GTF3C3: variants seen among roughly 807,000 people sequenced by gnomAD.
GTF3C3 encodes general transcription factor IIIC subunit 3, also known as general transcription factor 3C polypeptide 3.
Under a neutral mutation model 105.2 loss-of-function variants are expected in GTF3C3, and 75 were observed. That is an observed-to-expected ratio of 0.71 (90% CI 0.59 to 0.86). The LOEUF (loss-of-function observed/expected upper bound fraction) is 0.86. GTF3C3 is among the 40% of genes least tolerant of loss of function. GTF3C3 has a pLI of 0.00. For missense variants in GTF3C3, 856 were observed against 1,076.5 expected, an observed-to-expected ratio of 0.80 and a Z score of 2.87; for synonymous variants, 335 against 370.4, an observed-to-expected ratio of 0.90 and a Z score of 1.10.
At chr2:196,793,674 A>ATGAGTG (rs1052669514) in intron 2 of GTF3C3, among the ~76,000 whole-genome samples, 1 of 152,182 alleles carries the variant, frequency 6.6e-6, no homozygotes, top group African/African-American at 2.4e-5. Context: ...TGAGGACAAA[A>ATGAGTG]TGAGTGTGAG....
At chr2:196,768,271 G>A (rs775263172) in intron 16 of GTF3C3, among the ~76,000 whole-genome samples, 6 of 151,986 alleles carry the variant, frequency 3.9e-5, no homozygotes, top group South Asian at 2.1e-4. Context: ...CACCCGCCTC[G>A]GCCACCCAAA....
At chr2:196,778,770 C>T (rs1699297710) in intron 10 of GTF3C3, 126 bp downstream of exon 10, 1 of 788,708 alleles carries the variant, frequency 1.3e-6, no homozygotes, top group Non-Finnish European at 2.2e-6. Flanking sequence ...ATTTAAAATA[C>T]TGACTTTCAA....
At position 196,769,820 on chromosome 2, in the gene GTF3C3, G is replaced by A. The variant is rs916479905; in HGVS notation, c.2385+95C>T. ...CCGTCATGTGTACTGAGAGCATTGTGTATTACTTTTGAAGCAGGATTTTTA... is the reference window on the plus strand; with the variant it reads ...CCGTCATGTGTACTGAGAGCATTGTATATTACTTTTGAAGCAGGATTTTTA... On this transcript the variant is annotated intron_variant, in intron 16 of 17. Coordinates refer to ENST00000263956, the MANE Select transcript of GTF3C3 (RefSeq NM_012086.5). The A allele has an allele frequency of 4.0e-6, 4 of 989,676 alleles. No homozygotes were observed. In the African/African-American group the frequency reaches 6.5e-5, roughly 16 times the overall value. The allele number at this position is 989,676 out of a possible 1,614,324, so 61.3% of individuals were successfully genotyped here.
intron 1 of GTF3C3, among the ~76,000 whole-genome samples, chr2:196,799,044 G>A (rs575254132): frequency 6.6e-6 from 1 of 152,194 alleles, no homozygotes; most frequent in African/African-American, 2.4e-5. Flanking sequence ...ACTTTTTTAT[G>A]GACTATTACT....
chr2:196,768,373 T>C (rs554991434), intron 16 of GTF3C3, among the ~76,000 whole-genome samples: 4 of 152,294 alleles, frequency 2.6e-5, no homozygotes, highest in African/African-American at 9.6e-5. Context: ...TTATGTTACA[T>C]TTCAAACATT....
At chr2:196,764,807 TAAAAA>T (rs56828869) in intron 17 of GTF3C3, 122 bp from the exon 18 acceptor site, 3 of 681,426 alleles carry the variant, frequency 4.4e-6, no homozygotes. Context: ...GCTCATGTAC[TAAAAA>T]AAAATTATAA....
At chr2:196,782,136 G>A (rs1023426739) in intron 8 of GTF3C3, among the ~76,000 whole-genome samples, 4 of 152,176 alleles carry the variant, frequency 2.6e-5, no homozygotes, top group East Asian at 1.9e-4. Context: ...GTCTTGGGAG[G>A]TGCCTATGTG....
At chr2:196,765,213 G>A (rs1055600564) in intron 17 of GTF3C3, among the ~76,000 whole-genome samples, 44 of 151,916 alleles carry the variant, frequency 2.9e-4, no homozygotes, top group Non-Finnish European at 4.1e-4. Context: ...TTACCTCAGG[G>A]GTATTATAGT....
rs397697042 is a variant in GTF3C3 at position 196,780,226 on chromosome 2, T to TC, written c.1218+332dup. 1,014 of 960,074 alleles carry TC rather than the reference T, an allele frequency of 1.1e-3. 2 individuals carry two copies. The highest frequency in any genetic ancestry group is 1.2e-3 in the Non-Finnish European group (982 of 793,822). The allele number at this position is 960,074 out of a possible 1,614,324, so 59.5% of individuals were successfully genotyped here. A position where few individuals can be genotyped will look rare whatever the true frequency, so the allele number is the denominator to read the frequency against. On this transcript the variant is annotated intron_variant, in intron 9 of 17. Coordinates refer to ENST00000263956, the MANE Select transcript of GTF3C3 (RefSeq NM_012086.5). ...GTAGATGCTAAGTACTTTTTTTTTT[T>TC]CAATAATATACTTGGTCCAAAGTCC...
intron 1 of GTF3C3, 78 bp downstream of exon 1, chr2:196,799,432 G>A (rs1036107860): frequency 9.6e-6 from 10 of 1,038,862 alleles, no homozygotes; most frequent in Admixed American, 3.5e-5. Context: ...CACAGTGAAA[G>A]CGGTCGTCTG....
chr2:196,772,177 A>C (rs1699186113), intron 14 of GTF3C3, among the ~76,000 whole-genome samples: 1 of 152,226 alleles, frequency 6.6e-6, no homozygotes, highest in Non-Finnish European at 1.5e-5. Flanking sequence ...CAAAACTTTT[A>C]AACTAAAACA....
At chr2:196,797,135 T>C (rs1382297820) in intron 2 of GTF3C3, among the ~76,000 whole-genome samples, 1 of 152,256 alleles carries the variant, frequency 6.6e-6, no homozygotes, top group African/African-American at 2.4e-5. Flanking sequence ...AGCATCCCAG[T>C]TAACTTGATA....
At chr2:196,765,625 A>C (rs531680631) in intron 17 of GTF3C3, among the ~76,000 whole-genome samples, 4 of 150,392 alleles carry the variant, frequency 2.7e-5, no homozygotes, top group African/African-American at 9.7e-5. Context: ...ATACATATAT[A>C]AATATGTATA....
Position 196,775,227 on chromosome 2 carries a change from A to C in GTF3C3, c.1720T>G (p.Cys574Gly). The C allele has an allele frequency of 6.2e-7, 1 of 1,607,002 alleles. No homozygotes were observed. Among genetic ancestry groups the C allele is most frequent in the Non-Finnish European group, 8.5e-7 (1 of 1,177,956 alleles). Residue 574 changes from cysteine (C) to glycine (G), a missense_variant, in exon 13 of 18, where the codon TGT becomes GGT. Physicochemically the swap from Cys to Gly is radical, Grantham distance 159 (BLOSUM62 -3). This residue lies in a region of GTF3C3 where 605 missense variants were observed against 833.6 expected (regional missense o/e 0.73). Transcript: ENST00000263956. ...CCAGACTTGGAACTGGATATCAAAC[A>C]AACTTGGGCTCGATTCATTGCTACC... Reference protein sequence around the residue: ...LKVAMNRAQVCLISSSKSGER... With the variant: ...LKVAMNRAQVGLISSSKSGER...
intron 17 of GTF3C3, among the ~76,000 whole-genome samples, chr2:196,765,812 C>T (rs1283767894): frequency 3.3e-5 from 5 of 151,466 alleles, no homozygotes; most frequent in Non-Finnish European, 5.9e-5. Context: ...AGATCGAGAC[C>T]ATCCTGGTTA....
At chr2:196,773,608 T>C (rs1699214131) in intron 13 of GTF3C3, 1 of 401,164 alleles carries the variant, frequency 2.5e-6, no homozygotes, top group Non-Finnish European at 5.1e-6. Context: ...ATTACATTTA[T>C]TGTGCACTTT....
chr2:196,793,827 G>T (rs1356959323), intron 2 of GTF3C3, among the ~76,000 whole-genome samples: 1 of 152,098 alleles, frequency 6.6e-6, no homozygotes, highest in Non-Finnish European at 1.5e-5. Flanking sequence ...TACCACCATA[G>T]TATAATATAA....
intron 2 of GTF3C3, among the ~76,000 whole-genome samples, chr2:196,793,491 C>T (rs1385839351): frequency 6.6e-6 from 1 of 152,076 alleles, no homozygotes; most frequent in African/African-American, 2.4e-5. Context: ...CAGTACGGAG[C>T]CCTGGTGGTA....
chr2:196,770,507 GT>G (rs1699152933), intron 15 of GTF3C3, among the ~76,000 whole-genome samples: 1 of 152,176 alleles, frequency 6.6e-6, no homozygotes, highest in African/African-American at 2.4e-5. Flanking sequence ...TACAGGTGTT[GT>G]TTTCCCAAAT....
Sources: gnomAD v4.1 joint callset for allele counts (sites outside exome capture counted in the v4.1 genomes callset) on GRCh38, gnomAD v4.1.1 for gene constraint, gnomAD v4.1.1 regional missense constraint, MANE v1.5 for transcripts, NCBI Gene and HGNC (gene_info 2026-07-23, HGNC 2026-07-21) for gene names.